FBN1: variants seen among roughly 807,000 people sequenced by gnomAD.
FBN1 encodes the protein fibrillin-1.
In FBN1, 29 loss-of-function variants were observed where a neutral mutation model predicts 365.1. That is an observed-to-expected ratio of 0.08 (90% CI 0.06 to 0.11). The LOEUF is 0.11. Ranked by LOEUF, FBN1 falls within the 10% of genes least tolerant of loss-of-function variation. The pLI, the probability that FBN1 is intolerant of heterozygous loss-of-function variation, is 1.00. For synonymous variants in FBN1, 1,210 were observed against 1,270.5 expected (o/e 0.95, Z 1.01); for missense variants, 2,476 against 3,703.2 (o/e 0.67, Z 8.60).
At chr15:48,497,421 A>G (rs759558635) in intron 18 of FBN1, 30 bp from the exon 19 acceptor site, 26 of 1,589,990 alleles carry the variant, frequency 1.6e-5, no homozygotes, top group Non-Finnish European at 2.2e-5. Flanking sequence ...AAAATCAATT[A>G]AGATTATAAA....
chr15:48,559,813 T>C (rs1202563983), intron 6 of FBN1, among the ~76,000 whole-genome samples: 1 of 152,144 alleles, frequency 6.6e-6, no homozygotes, highest in Non-Finnish European at 1.5e-5. Context: ...GAACAAAATA[T>C]ATTGAAGTGA....
At chr15:48,531,295 A>G (rs991890257) in intron 8 of FBN1, among the ~76,000 whole-genome samples, 17 of 152,150 alleles carry the variant, frequency 1.1e-4, no homozygotes, top group African/African-American at 2.9e-4. Context: ...AAAGAGGGAC[A>G]TTTTAGGAAG....
At chr15:48,592,611 C>T (rs111243351) in intron 6 of FBN1, among the ~76,000 whole-genome samples, 3 of 151,640 alleles carry the variant, frequency 2.0e-5, no homozygotes, top group Non-Finnish European at 2.9e-5. Context: ...GGCAAAGGGT[C>T]GGAGTAGGAG....
Position 48,596,326 on chromosome 15 carries a change from T to C in FBN1, c.495A>G (p.Arg165=). ...LNGGRCVAPN[R]CACTYGFTGP... is the part of the protein sequence containing the mutation. Reference sequence around the variant, plus strand: ...CAGTAAATCCGTAAGTGCATGCACATCGATTTGGGGCCACACACCTTCCTC... The same window carrying C: ...CAGTAAATCCGTAAGTGCATGCACACCGATTTGGGGCCACACACCTTCCTC... Residue 165 remains arginine, a synonymous_variant, in exon 6 of 66, where the codon CGA becomes CGG. Coordinates refer to ENST00000316623, the MANE Select transcript of FBN1 (RefSeq NM_000138.5). 1.2e-6 allele frequency: 2 copies of C among 1,614,060 alleles called. No homozygotes were observed. Among genetic ancestry groups the C allele is most frequent in the African/African-American group, 1.3e-5 (1 of 75,046 alleles).
At chr15:48,505,399 A>C (rs1203029721) in intron 15 of FBN1, among the ~76,000 whole-genome samples, 3 of 152,226 alleles carry the variant, frequency 2.0e-5, no homozygotes, top group African/African-American at 7.2e-5. Context: ...TTTTGTATCC[A>C]AAATAATCAC....
chr15:48,586,163 AAAC>A (rs1366528245), intron 6 of FBN1, among the ~76,000 whole-genome samples: 1 of 152,224 alleles, frequency 6.6e-6, no homozygotes, highest in Non-Finnish European at 1.5e-5. Context: ...AATGCAAGAA[AAAC>A]AAGAATTCAT....
At chr15:48,499,905 A>C (rs1026151641) in intron 17 of FBN1, among the ~76,000 whole-genome samples, 6 of 152,316 alleles carry the variant, frequency 3.9e-5, no homozygotes, top group African/African-American at 1.4e-4. Flanking sequence ...ACTGGATATC[A>C]GGGCTGGGGC....
chr15:48,467,834 G>T, intron 38 of FBN1, 104 bp downstream of exon 38: 1 of 1,073,112 alleles, frequency 9.3e-7, no homozygotes, highest in Non-Finnish European at 1.5e-6. Context: ...TGAGAGGACT[G>T]ATCTTTCTTC....
intron 6 of FBN1, among the ~76,000 whole-genome samples, chr15:48,566,798 G>C (rs1237524410): frequency 1.3e-5 from 2 of 152,206 alleles, no homozygotes; most frequent in African/African-American, 2.4e-5. Context: ...CTGATATCTA[G>C]AGAATCCTGA....
chr15:48,507,245 TA>T (rs2043717344), intron 15 of FBN1, among the ~76,000 whole-genome samples: 2 of 152,310 alleles, frequency 1.3e-5, no homozygotes, highest in South Asian at 4.1e-4. Context: ...CTCTTTCTAT[TA>T]TTTTTTTTTG....
At chr15:48,423,010 C>A (rs2042954855) in intron 60 of FBN1, among the ~76,000 whole-genome samples, 1 of 152,120 alleles carries the variant, frequency 6.6e-6, no homozygotes, top group Non-Finnish European at 1.5e-5. Flanking sequence ...AGTGTTTATC[C>A]AACATTGTTT....
chr15:48,467,793 C>T (rs866356503), intron 38 of FBN1, 145 bp downstream of exon 38: 20 of 762,202 alleles, frequency 2.6e-5, no homozygotes, highest in South Asian at 2.1e-4. Context: ...TTCTGACTCT[C>T]GAATTGGGAA....
chr15:48,496,398 G>A (rs1249799296), intron 19 of FBN1, among the ~76,000 whole-genome samples, 173 bp from the exon 20 acceptor site: 1 of 152,152 alleles, frequency 6.6e-6, no homozygotes, highest in Admixed American at 6.5e-5. Flanking sequence ...GGAAAACAGA[G>A]GCTTGACCTG....
At chr15:48,559,481 C>A (rs1231546536) in intron 6 of FBN1, among the ~76,000 whole-genome samples, 2 of 152,118 alleles carry the variant, frequency 1.3e-5, no homozygotes, top group Non-Finnish European at 2.9e-5. Flanking sequence ...AGACCAAGGA[C>A]AAGCAGGCAG....
chr15:48,462,103 T>C (rs564557359), intron 42 of FBN1, among the ~76,000 whole-genome samples: 5 of 152,190 alleles, frequency 3.3e-5, no homozygotes, highest in African/African-American at 1.2e-4. Flanking sequence ...TAAAAAACAA[T>C]TTTCTGTTGC....
intron 41 of FBN1, among the ~76,000 whole-genome samples, 167 bp from the exon 42 acceptor site, chr15:48,463,407 T>G (rs1287035220): frequency 1.3e-5 from 2 of 152,226 alleles, no homozygotes; most frequent in African/African-American, 4.8e-5. Context: ...TCTAGCTACC[T>G]ATGCTGCTAC....
chr15:48,445,305 C>T (rs2141248995), intron 48 of FBN1, 71 bp downstream of exon 48: 3 of 1,545,080 alleles, frequency 1.9e-6, no homozygotes, highest in East Asian at 2.3e-5. Flanking sequence ...AGCATTAGAA[C>T]AGAGACTGCA....
At chr15:48,619,753 T>G (rs536129466) in intron 2 of FBN1, among the ~76,000 whole-genome samples, 2 of 151,946 alleles carry the variant, frequency 1.3e-5, no homozygotes, top group South Asian at 4.2e-4. Flanking sequence ...TGTTTTTTTG[T>G]GACTATGGAA....
chr15:48,515,577 C>T (rs766933968), intron 11 of FBN1, 50 bp from the exon 12 acceptor site: 32 of 1,603,268 alleles, frequency 2.0e-5, no homozygotes, highest in Non-Finnish European at 2.6e-5. Context: ...TGGTATCTTT[C>T]ATCAGTACTT....
Sources: allele counts gnomAD v4.1 joint callset (sites outside exome capture counted in the v4.1 genomes callset), GRCh38; gene constraint gnomAD v4.1.1; transcripts MANE v1.5; gene names NCBI Gene and HGNC (gene_info 2026-07-23, HGNC 2026-07-21).